MCAM: variants seen among roughly 807,000 people sequenced by gnomAD.
MCAM encodes the protein melanoma cell adhesion molecule.
A neutral mutation model predicts 79.1 loss-of-function variants in MCAM; 55 were observed. The observed-to-expected ratio is 0.70, with a 90% CI of 0.56 to 0.87. The LOEUF (loss-of-function observed/expected upper bound fraction) is 0.87. Ranked by LOEUF, MCAM falls within the 40% of genes least tolerant of loss-of-function variation. The probability of loss-of-function intolerance (pLI) is 0.00; values close to 1 mark genes in which losing one functional copy is unlikely to be tolerated. For missense variants in MCAM, 745 were observed against 839.8 expected (o/e 0.89, Z 1.40); for synonymous variants, 330 against 339.8 (o/e 0.97, Z 0.32).
chr11:119,314,343 A>G, intron 5 of MCAM, 146 bp downstream of exon 5: 1 of 699,962 alleles, frequency 1.4e-6, no homozygotes, highest in Non-Finnish European at 2.4e-6. Context: ...TTCTGTAGAG[A>G]CAGGGTCACC....
chr11:119,309,992 A>C, intron 15 of MCAM, 77 bp from the exon 16 acceptor site: 1 of 1,213,386 alleles, frequency 8.2e-7, no homozygotes, highest in Non-Finnish European at 1.2e-6. Flanking sequence ...GAGGAAGGAG[A>C]GATGGAAGCA....
At position 119,312,592 on chromosome 11, in the gene MCAM, C is replaced by T. The variant is rs1950251111; in HGVS notation, c.796G>A (p.Asp266Asn). ...VEPVGMLKEG[D>N]RVEIRCLADG... ...GCCAAACACCTGATTTCCACGCGGT[C>T]CCCTTCCTTCAGCATTCCCACGGGC... Residue 266 changes from aspartate (D) to asparagine (N), a missense_variant, in exon 7 of 16, where the codon GAC becomes AAC. Asp to Asn is a conservative substitution (Grantham distance 23). Coordinates refer to ENST00000264036, the MANE Select transcript of MCAM (RefSeq NM_006500.3). The surrounding 1 kb of genome is among the most constrained non-coding windows in gnomAD (Gnocchi z 4.9). 6.2e-7 allele frequency: 1 copy of T among 1,614,156 alleles called. No homozygotes were observed. Among genetic ancestry groups the T allele is most frequent in the Non-Finnish European group, 8.5e-7 (1 of 1,180,020 alleles).
At position 119,311,421 on chromosome 11, in the gene MCAM, C is replaced by T. The variant is rs1565279860; in HGVS notation, c.1408G>A (p.Ala470Thr). ...PTISWNVNGT[A>T]SEQDQDPQRV... Reference sequence around the variant, plus strand: ...TGTGGATCTTGGTCTTGTTCACTTGCCTGCGAGGAAAGGAAGGAGGCAGCT... The same window carrying T: ...TGTGGATCTTGGTCTTGTTCACTTGTCTGCGAGGAAAGGAAGGAGGCAGCT... Residue 470 changes from alanine (A) to threonine (T), a missense_variant and splice_region_variant, in exon 12 of 16, where the codon GCA (alanine) becomes ACA (threonine). Physicochemically the swap from Ala to Thr is moderately conservative, Grantham distance 58 (BLOSUM62 0). Coordinates refer to ENST00000264036, the MANE Select transcript of MCAM (RefSeq NM_006500.3). This position sits in a 1 kb window ranked among gnomAD's most constrained non-coding sequence, Gnocchi z 4.4. 1 of 1,614,032 alleles carries T rather than the reference C, an allele frequency of 6.2e-7. No individual in the cohort carries two copies. Among genetic ancestry groups the T allele is most frequent in the Non-Finnish European group, 8.5e-7 (1 of 1,179,954 alleles).
chr11:119,316,841 C>T lies in MCAM; in HGVS notation c.67+194G>A. 1.8e-6 allele frequency: 1 copy of T among 545,498 alleles called. No individual in the cohort carries two copies. The highest frequency in any genetic ancestry group is 4.8e-4 in the Middle Eastern group (1 of 2,066). The allele number at this position is 545,498 out of a possible 1,614,324, so 33.8% of individuals were successfully genotyped here. ...TTCCGAGTGCTGCTCCCGGGATACT[C>T]TAGAATCCCGGCTGCAAACTGGCTG... On this transcript the variant is annotated intron_variant, in intron 1 of 15. Coordinates refer to ENST00000264036, the MANE Select transcript of MCAM (RefSeq NM_006500.3). The surrounding 1 kb of genome is among the most constrained non-coding windows in gnomAD (Gnocchi z 4.8).
At chr11:119,310,723 G>T in intron 14 of MCAM, 33 bp downstream of exon 14, 1 of 1,602,828 alleles carries the variant, frequency 6.2e-7, no homozygotes, top group South Asian at 1.1e-5. Context: ...GTGGCAAAAC[G>T]GGCGGGGGCG....
rs1456104078 is a variant in MCAM, at chr11:119,314,746, G to C, written c.404C>G (p.Ala135Gly). The stretch of plus-strand genomic sequence containing the variant: ...GACCTGGATGTTTGGCTCCTCCGGA[G>C]CTTCTACAAGAAAATAGAAATGAGG... The part of the protein sequence containing the change: ...EYRIQLRVYK[A>G]PEEPNIQVNP... Residue 135 changes from alanine (A) to glycine (G), a missense_variant, in exon 4 of 16, where the codon GCT becomes GGT. Ala to Gly is a moderately conservative substitution (Grantham distance 60). Coordinates refer to ENST00000264036, the MANE Select transcript of MCAM (RefSeq NM_006500.3). 21 of 1,613,646 alleles carry C rather than the reference G, an allele frequency of 1.3e-5. No individual in the cohort carries two copies. The highest frequency in any genetic ancestry group is 1.6e-5 in the Non-Finnish European group (19 of 1,179,928).
In MCAM at chr11:119,310,360, G is replaced by A; in HGVS notation, c.1900C>T (p.Pro634Ser). Residue 634 changes from proline (P) to serine (S), a missense_variant, in exon 15 of 16, where the codon CCG becomes TCG. Coordinates refer to ENST00000264036, the MANE Select transcript of MCAM (RefSeq NM_006500.3). ...GAACCGCCTCCTACCTGGTCTCCCG[G>A]AGCCCTCTTGTCACCGCTGCTGCCC... Reference protein sequence around the residue: ...LQGSSGDKRAPGDQGEKYIDL... With the variant: ...LQGSSGDKRASGDQGEKYIDL... 1 of 1,612,380 alleles carries A rather than the reference G, an allele frequency of 6.2e-7. No homozygotes were observed. Among genetic ancestry groups the A allele is most frequent in the South Asian group, 1.1e-5 (1 of 91,054 alleles).
In MCAM at chr11:119,311,572, T is replaced by C. The variant is rs147927488; in HGVS notation, c.1365A>G (p.Ser455=). 4 of 1,614,010 alleles carry C rather than the reference T, an allele frequency of 2.5e-6. No individual in the cohort carries two copies. The African/African-American group carries it at 5.3e-5, about 22-fold the overall frequency. Residue 455 remains serine, a synonymous_variant, in exon 11 of 16, where the codon TCA becomes TCG. Transcript: ENST00000264036. The surrounding 1 kb of genome is among the most constrained non-coding windows in gnomAD (Gnocchi z 4.4). The part of the protein sequence containing the change: ...NMVLNLSCEA[S]GHPRPTISWN... The stretch of plus-strand genomic sequence containing the variant: ...AGGAGATGGTGGGCCGGGGGTGCCC[T>C]GACGCTTCACAAGACAGATTCAACA...
rs773835505 is a variant in MCAM, at chr11:119,311,063, C to A, written c.1645+27G>T. On this transcript the variant is annotated intron_variant, in intron 13 of 15. Transcript: ENST00000264036. This position sits in a 1 kb window ranked among gnomAD's most constrained non-coding sequence, Gnocchi z 4.4. ...GGCAGAAAGGATGCCCTGGCACAGC[C>A]CTGTTCTCTTGCCAGGCCTGGCTTA... 1.2e-6 allele frequency: 2 copies of A among 1,614,082 alleles called. No individual in the cohort carries two copies. The highest frequency in any genetic ancestry group is 1.1e-5 in the South Asian group (1 of 91,068).
chr11:119,310,219 T>G (rs1236684797), intron 15 of MCAM, 130 bp downstream of exon 15: 7 of 733,684 alleles, frequency 9.5e-6, no homozygotes, highest in Non-Finnish European at 1.7e-5. Flanking sequence ...TGAGTAGTGT[T>G]AAGAAGGCAA....
At chr11:119,314,394 G>T in intron 5 of MCAM, 95 bp downstream of exon 5, 1 of 1,111,980 alleles carries the variant, frequency 9.0e-7, no homozygotes, top group Non-Finnish European at 1.4e-6. Context: ...CACCTCCAGA[G>T]ATCCTCCTGC....
chr11:119,315,450 G>T lies in MCAM; in HGVS notation c.68-187C>A. 3.1e-6 allele frequency: 2 copies of T among 652,920 alleles called. No individual in the cohort carries two copies. The highest frequency in any genetic ancestry group is 5.2e-6 in the Non-Finnish European group (2 of 385,732). 40.4% of individuals were successfully genotyped at this position (652,920 alleles called of 1,614,324 possible). ...GGGCCAGCCCTCTCCCCGTCCAGGAGATCCCAGGTCCTTGGAGCCAAGCAG... is the reference window on the plus strand; with the variant it reads ...GGGCCAGCCCTCTCCCCGTCCAGGATATCCCAGGTCCTTGGAGCCAAGCAG... On this transcript the variant is annotated intron_variant, in intron 1 of 15. Transcript: ENST00000264036. This position sits in a 1 kb window ranked among gnomAD's most constrained non-coding sequence, Gnocchi z 4.4.
Position 119,310,382 on chromosome 11 carries a change from G to C in MCAM, c.1878C>G (p.Gly626=), listed in dbSNP as rs549424365. 185 of 1,613,922 alleles carry C rather than the reference G, an allele frequency of 1.1e-4. No homozygotes were observed. In the South Asian group the frequency reaches 1.9e-3, roughly 17 times the overall value. The part of the protein sequence containing the change: ...KLPEEMGLLQ[G]SSGDKRAPGD... ...CCGGAGCCCTCTTGTCACCGCTGCT[G>C]CCCTGCAGGAGGCCCATCTCTTCTG... Residue 626 remains glycine, a synonymous_variant, in exon 15 of 16, where the codon GGC becomes GGG. Coordinates refer to ENST00000264036, the MANE Select transcript of MCAM (RefSeq NM_006500.3).
Position 119,310,737 on chromosome 11 carries a change from G to A in MCAM, c.1793+19C>T. The stretch of plus-strand genomic sequence containing the variant: ...GGTGGCAAAACGGGCGGGGGCGGAG[G>A]GGCCGGTGTTGGGCTTACATCTCCT... On this transcript the variant is annotated intron_variant, in intron 14 of 15. Coordinates refer to ENST00000264036, the MANE Select transcript of MCAM (RefSeq NM_006500.3). 1 of 1,609,216 alleles carries A rather than the reference G, an allele frequency of 6.2e-7. No individual in the cohort carries two copies. The highest frequency in any genetic ancestry group is 2.2e-5 in the East Asian group (1 of 44,798).
Position 119,310,890 on chromosome 11 carries a change from C to A in MCAM, c.1659G>T (p.Pro553=). 6.2e-7 allele frequency: 1 copy of A among 1,614,170 alleles called. No homozygotes were observed. The highest frequency in any genetic ancestry group is 8.5e-7 in the Non-Finnish European group (1 of 1,180,030). ...ANSTSTERKL[P]EPESRGVVIV... ...TGACCACGCCCCGGCTCTCCGGCTCCGGCAGCTTTCTCTCTGCGCCACAAA... is the reference window on the plus strand; with the variant it reads ...TGACCACGCCCCGGCTCTCCGGCTCAGGCAGCTTTCTCTCTGCGCCACAAA... The change falls in exon 14 of 16, where the codon CCG becomes CCT. Residue 553 remains proline, a synonymous_variant. Coordinates refer to ENST00000264036, the MANE Select transcript of MCAM (RefSeq NM_006500.3).
Position 119,316,320 on chromosome 11 carries a change from G to A in MCAM, c.67+715C>T, listed in dbSNP as rs149745950. ...GGCCATACAAGGGCAGCGTGGACCC[G>A]AGAGCGCCCTGCTACCAGGCGGATC... is the stretch of plus-strand genomic sequence containing the variant. On this transcript the variant is annotated intron_variant, in intron 1 of 15. Coordinates refer to ENST00000264036, the MANE Select transcript of MCAM (RefSeq NM_006500.3). This position sits in a 1 kb window ranked among gnomAD's most constrained non-coding sequence, Gnocchi z 4.8. 6.6e-6 allele frequency among the ~76,000 whole-genome samples: 1 copy of A among 152,216 alleles called. No homozygotes were observed. The highest frequency in any genetic ancestry group is 1.5e-5 in the Non-Finnish European group (1 of 68,038).
rs370970803 is a variant in MCAM at position 119,311,122 on chromosome 11, C to G, written c.1613G>C (p.Ser538Thr). ...GGTGCTGTTGGCTCTGGTATGAGGA[C>G]TGGCAGTGGAAGTGCTGAGGCCAGT... ...TTTGLSTSTA[S>T]PHTRANSTST... Residue 538 changes from serine to threonine, a missense_variant, in exon 13 of 16, where the codon AGT becomes ACT. By Grantham distance (58) the Ser-to-Thr change is moderately conservative. Transcript: ENST00000264036. This position sits in a 1 kb window ranked among gnomAD's most constrained non-coding sequence, Gnocchi z 4.4. 3.5e-3 allele frequency: 5,727 copies of G among 1,614,236 alleles called. 221 individuals carry two copies. The South Asian group carries it at 0.059, about 17-fold the overall frequency.
rs1950173239 is a variant in MCAM, at chr11:119,308,567, A to G, written c.*1319T>C. The G allele has an allele frequency of 1.3e-5, 2 of 150,348 alleles. No individual in the cohort carries two copies. Among genetic ancestry groups the G allele is most frequent in the Admixed American group, 6.7e-5 (1 of 15,016 alleles). 9.3% of individuals were successfully genotyped at this position (150,348 alleles called of 1,614,324 possible). On this transcript the variant is annotated 3_prime_UTR_variant, in exon 16 of 16. Transcript: ENST00000264036. ...TAAGCTTTATTTTTCATATATATAT[A>G]TATTTTCATATATATATATACATAC...
Position 119,312,157 on chromosome 11 carries a change from G to C in MCAM, c.1038C>G (p.Val346=). The change falls in exon 9 of 16, where the codon GTC becomes GTG. Residue 346 remains valine (V), a synonymous_variant. Coordinates refer to ENST00000264036, the MANE Select transcript of MCAM (RefSeq NM_006500.3). The surrounding 1 kb of genome is among the most constrained non-coding windows in gnomAD (Gnocchi z 4.9). ...QELLVNYVSD[V]RVSPAAPERQ... is the part of the protein sequence containing the mutation. ...TCTCAGGGGCTGCGGGACTCACTCG[G>C]ACGTCAGACACATCTGGGGGTACAG... is the stretch of plus-strand genomic sequence containing the variant. 6.2e-7 allele frequency: 1 copy of C among 1,612,970 alleles called. No individual in the cohort carries two copies.
Sources: allele counts gnomAD v4.1 joint callset (sites outside exome capture counted in the v4.1 genomes callset), GRCh38; gene constraint gnomAD v4.1.1; non-coding constraint Gnocchi (gnomAD v3.1); transcripts MANE v1.5; gene names NCBI Gene and HGNC (gene_info 2026-07-23, HGNC 2026-07-21).